GLI3: variants seen among roughly 807,000 people sequenced by gnomAD.
The protein encoded by GLI3 is GLI family zinc finger 3.
In GLI3, 20 loss-of-function variants were observed where a neutral mutation model predicts 100.8. The ratio of observed to expected loss-of-function variants is 0.20; its 90% CI spans 0.14 to 0.29. The LOEUF (loss-of-function observed/expected upper bound fraction) is 0.29, where lower values mean the gene tolerates loss of function less well. GLI3 is among the 10% of genes least tolerant of loss of function. GLI3 has a pLI of 1.00. For missense variants in GLI3, 2,040 were observed against 2,128.5 expected (o/e 0.96, Z 0.82); for synonymous variants, 938 against 860.5 (o/e 1.09, Z -1.58).
chr7:42,095,976 A>G (rs1785329523), intron 3 of GLI3, among the ~76,000 whole-genome samples: 1 of 152,040 alleles, frequency 6.6e-6, no homozygotes, highest in Non-Finnish European at 1.5e-5. Context: ...GAAATAGGAG[A>G]GACACAGGAC....
At chr7:42,231,534 A>G (rs1788695959) in intron 1 of GLI3, among the ~76,000 whole-genome samples, 1 of 152,174 alleles carries the variant, frequency 6.6e-6, no homozygotes, top group South Asian at 2.1e-4. Flanking sequence ...ACTCTCTGAT[A>G]TGGAATTTCA....
intron 7 of GLI3, among the ~76,000 whole-genome samples, chr7:42,030,701 T>G (rs1583492984): frequency 1.3e-5 from 2 of 152,066 alleles, no homozygotes; most frequent in Admixed American, 1.3e-4. Flanking sequence ...GATTTGTTTT[T>G]TTTTTTTTTG....
At chr7:42,184,303 G>A (rs778792329) in intron 2 of GLI3, among the ~76,000 whole-genome samples, 1 of 152,186 alleles carries the variant, frequency 6.6e-6, no homozygotes, top group African/African-American at 2.4e-5. Flanking sequence ...CTGCGCTGCC[G>A]TTCCCTGACC....
At chr7:42,231,952 G>A (rs1021605786) in intron 1 of GLI3, among the ~76,000 whole-genome samples, 2 of 150,934 alleles carry the variant, frequency 1.3e-5, no homozygotes, top group African/African-American at 2.4e-5. Context: ...ATGAAAATAA[G>A]CAATATAATG....
chr7:42,007,667 A>C (rs749808890), intron 10 of GLI3, among the ~76,000 whole-genome samples: 27 of 152,204 alleles, frequency 1.8e-4, no homozygotes, highest in Admixed American at 4.6e-4. Flanking sequence ...ATTATATGGG[A>C]ATTTTCATAT....
At chr7:42,020,637 A>C (rs992787858) in intron 10 of GLI3, among the ~76,000 whole-genome samples, 1 of 152,246 alleles carries the variant, frequency 6.6e-6, no homozygotes, top group Non-Finnish European at 1.5e-5. Flanking sequence ...CCTCTCTCCA[A>C]GGAAAGTCAC....
Position 42,254,808 on chromosome 7 carries a change from CTT to C in GLI3, c.-43+9184_-43+9185del, listed in dbSNP as rs1789068639. 4.0e-5 allele frequency among the ~76,000 whole-genome samples: 6 copies of C among 150,940 alleles called. No homozygotes were observed. The South Asian group carries it at 1.3e-3, about 32-fold the overall frequency. On this transcript the variant is annotated intron_variant, in intron 1 of 2. Transcript: ENST00000678978. ...TTTCTCTCTGCCTATCAATCTCTCT[CTT>C]GCAATGTTTGTTATCTGTCTCTTTA...
rs772034729 is a variant in GLI3 at position 41,966,376 on chromosome 7, G to A, written c.2697C>T (p.Ser899=). Residue 899 remains serine, a synonymous_variant, in exon 15 of 15, where the codon TCC becomes TCT. Coordinates refer to ENST00000395925, the MANE Select transcript of GLI3 (RefSeq NM_000168.6). This position sits in a 1 kb window ranked among gnomAD's most constrained non-coding sequence, Gnocchi z 5.8. ...VSVADSYDPI[S]TDASRRSSEA... is the part of the protein sequence containing the mutation. ...CGCTGGAGCGGCGCGAGGCGTCGGT[G>A]GAGATGGGGTCGTAGGAGTCGGCCA... 73 of 1,609,500 alleles carry A rather than the reference G, an allele frequency of 4.5e-5. No homozygotes were observed. The highest frequency in any genetic ancestry group is 5.7e-5 in the Non-Finnish European group (67 of 1,179,388).
chr7:42,172,465 A>C, intron 2 of GLI3: 1 of 647,858 alleles, frequency 1.5e-6, no homozygotes, highest in Non-Finnish European at 2.8e-6. Flanking sequence ...ACTTTTTTAC[A>C]CTAAAAAGTG....
At chr7:42,123,499 A>C (rs979191344) in intron 3 of GLI3, among the ~76,000 whole-genome samples, 1 of 152,250 alleles carries the variant, frequency 6.6e-6, no homozygotes, top group Non-Finnish European at 1.5e-5. Flanking sequence ...TCAGAGATAC[A>C]AAAACGTAAT....
intron 4 of GLI3, among the ~76,000 whole-genome samples, chr7:42,063,056 A>G (rs529161504): frequency 1.6e-4 from 25 of 152,298 alleles, no homozygotes; most frequent in African/African-American, 5.3e-4. Flanking sequence ...ATACACCAGC[A>G]TAACCATCAC....
rs777096127 is a variant in GLI3 at position 42,148,415 on chromosome 7, T to C, written c.178A>G (p.Met60Val). Residue 60 changes from methionine to valine, a missense_variant, in exon 3 of 15, where the codon ATG (methionine) becomes GTG (valine). This residue lies in a region of GLI3 where 603 missense variants were observed against 690.9 expected (regional missense o/e 0.87). Coordinates refer to ENST00000395925, the MANE Select transcript of GLI3 (RefSeq NM_000168.6). Reference sequence around the variant, plus strand: ...AGCCCCTGGACATTCTGTGGCTGCATAGTGATTGCGTTTCTTCTCTCTCTG... The same window carrying C: ...AGCCCCTGGACATTCTGTGGCTGCACAGTGATTGCGTTTCTTCTCTCTCTG... ...YHRERRNAIT[M>V]QPQNVQGLSK... The C allele has an allele frequency of 2.5e-6, 4 of 1,613,888 alleles. No homozygotes were observed. Among genetic ancestry groups the C allele is most frequent in the Admixed American group, 1.7e-5 (1 of 60,026 alleles).
chr7:42,061,894 G>A (rs2237420), intron 4 of GLI3, among the ~76,000 whole-genome samples: 40,762 of 151,954 alleles, frequency 0.27, 5,612 homozygotes, highest in South Asian at 0.32. Context: ...TGCTCAAGAC[G>A]TAGAGAACAG....
intron 2 of GLI3, among the ~76,000 whole-genome samples, chr7:42,215,230 C>G (rs144639594): frequency 6.6e-6 from 1 of 151,970 alleles, no homozygotes; most frequent in African/African-American, 2.4e-5. Context: ...TGTGAACTTA[C>G]GGATTTTCAA....
intron 10 of GLI3, among the ~76,000 whole-genome samples, chr7:42,006,123 T>C (rs1057375371): frequency 6.6e-6 from 1 of 152,214 alleles, no homozygotes; most frequent in African/African-American, 2.4e-5. Flanking sequence ...AACTAGAATA[T>C]GGATCCCCCT....
At chr7:42,080,140 C>A (rs535014316) in intron 3 of GLI3, among the ~76,000 whole-genome samples, 14 of 152,298 alleles carry the variant, frequency 9.2e-5, no homozygotes, top group Admixed American at 2.6e-4. Context: ...CTCTCTCTCA[C>A]CCTCTCTCCC....
chr7:42,024,766 GGTTA>G (rs1789057022), intron 9 of GLI3, among the ~76,000 whole-genome samples: 1 of 152,158 alleles, frequency 6.6e-6, no homozygotes, highest in Admixed American at 6.5e-5. Flanking sequence ...ACTAGCCTTA[GGTTA>G]GTTATGTTTT....
chr7:42,201,856 G>A (rs562307870), intron 2 of GLI3, among the ~76,000 whole-genome samples: 1 of 152,174 alleles, frequency 6.6e-6, no homozygotes, highest in Admixed American at 6.5e-5. Context: ...AGCCGAGGCG[G>A]GCAGATCACA....
At chr7:42,119,336 C>T (rs1188758365) in intron 3 of GLI3, among the ~76,000 whole-genome samples, 4 of 152,128 alleles carry the variant, frequency 2.6e-5, no homozygotes, top group Non-Finnish European at 5.9e-5. Context: ...CTGTGGGGCC[C>T]AGGGGCTATA....
Sources: gnomAD v4.1 joint callset for allele counts (sites outside exome capture counted in the v4.1 genomes callset) on GRCh38, gnomAD v4.1.1 for gene constraint, gnomAD v4.1.1 regional missense constraint, Gnocchi (gnomAD v3.1) non-coding constraint, MANE v1.5 for transcripts, NCBI Gene and HGNC (gene_info 2026-07-23, HGNC 2026-07-21) for gene names.